KDM2B: variants seen among roughly 807,000 people sequenced by gnomAD.
The protein encoded by KDM2B is lysine-specific demethylase 2B.
A neutral mutation model predicts 150.0 loss-of-function variants in KDM2B; 26 were observed. The ratio of observed to expected loss-of-function variants is 0.17; its 90% CI spans 0.13 to 0.24. The LOEUF (loss-of-function observed/expected upper bound fraction) is 0.24. Among genes scored for constraint, KDM2B ranks in the 10% least tolerant of loss-of-function variants. The probability of loss-of-function intolerance (pLI) is 1.00; values close to 1 mark genes in which losing one functional copy is unlikely to be tolerated. For missense variants in KDM2B, 1,265 were observed against 1,816.9 expected (o/e 0.70, Z 5.52); for synonymous variants, 734 against 729.5 (o/e 1.01, Z -0.10).
intron 8 of KDM2B, among the ~76,000 whole-genome samples, 165 bp downstream of exon 8, chr12:121,532,641 G>T (rs1555308027): frequency 6.6e-6 from 1 of 152,218 alleles, no homozygotes; most frequent in Non-Finnish European, 1.5e-5. Flanking sequence ...GGGATGTGAG[G>T]GGAAAACTGC....
Position 121,533,036 on chromosome 12 carries a change from CG to C in KDM2B, c.778-78del. On this transcript the variant is annotated intron_variant, in intron 7 of 22. Transcript: ENST00000377071. The surrounding 1 kb of genome is among the most constrained non-coding windows in gnomAD (Gnocchi z 4.1). Reference sequence around the variant, plus strand: ...CAGAGAGAGGGCCCCACCTGCCTGGCGGAAGGGGAGGGGGCGAGACAAGCTG... The same window carrying C: ...CAGAGAGAGGGCCCCACCTGCCTGGCGAAGGGGAGGGGGCGAGACAAGCTG... 6.7e-7 allele frequency: 1 copy of C among 1,493,636 alleles called. No individual in the cohort carries two copies. Among genetic ancestry groups the C allele is most frequent in the South Asian group, 1.2e-5 (1 of 85,290 alleles). 92.5% of individuals were successfully genotyped at this position (1,493,636 alleles called of 1,614,324 possible). A position where few individuals can be genotyped will look rare whatever the true frequency, so the allele number is the denominator to read the frequency against.
Position 121,509,691 on chromosome 12 carries a change from T to C in KDM2B, c.1523A>G (p.His508Arg), listed in dbSNP as rs781981339. Residue 508 changes from histidine (H) to arginine (R), a missense_variant, in exon 11 of 23, where the codon CAT becomes CGT. This residue lies in a region of KDM2B where 20 missense variants were observed against 49.5 expected (regional missense o/e 0.40). Transcript: ENST00000377071. ...PATEVSAKWT[H>R]LTEFELKGLK... ...GCCCTTCAGTTCAAACTCAGTGAGA[T>C]GGGTCCATTTGGCAGAGACCTCCGT... is the stretch of plus-strand genomic sequence containing the variant. 6.2e-7 allele frequency: 1 copy of C among 1,614,034 alleles called. No homozygotes were observed. Among genetic ancestry groups the C allele is most frequent in the South Asian group, 1.1e-5 (1 of 91,068 alleles).
At chr12:121,416,275 T>C in the KDM2B span, 2 of 1,614,134 alleles carry the variant, frequency 1.2e-6, no homozygotes, top group Non-Finnish European at 1.7e-6. Context: ...CATTCAGATT[T>C]ACACCAAACC....
At chr12:121,427,331 A>T (rs1555284386), downstream of KDM2B, among the ~76,000 whole-genome samples, 1 of 152,188 alleles carries the variant, frequency 6.6e-6, no homozygotes, top group Non-Finnish European at 1.5e-5. Context: ...TGAGGTCAGG[A>T]GTTCGAGACC....
Position 121,467,207 on chromosome 12 carries a change from G to C in KDM2B, c.1735-13863C>G. The C allele has an allele frequency of 9.1e-7, 1 of 1,102,536 alleles. No individual in the cohort carries two copies. The highest frequency in any genetic ancestry group is 1.1e-6 in the Non-Finnish European group (1 of 889,492). 68.3% of individuals were successfully genotyped at this position (1,102,536 alleles called of 1,614,324 possible). On this transcript the variant is annotated intron_variant, in intron 12 of 22. Transcript: ENST00000377071. This position sits in a 1 kb window ranked among gnomAD's most constrained non-coding sequence, Gnocchi z 5.1. ...GTCGTCCTCGGCGCTCACGGACATG[G>C]CCATGGCTCATGGTGGGCCCAGGCT... is the stretch of plus-strand genomic sequence containing the variant.
intron 12 of KDM2B, among the ~76,000 whole-genome samples, chr12:121,490,276 T>C (rs984252590): frequency 2.2e-4 from 33 of 152,236 alleles, no homozygotes; most frequent in African/African-American, 8.0e-4. Flanking sequence ...CAACAGCTAC[T>C]GATGAGGACT....
At chr12:121,455,439 C>T (rs919791339) in intron 12 of KDM2B, among the ~76,000 whole-genome samples, 1 of 152,216 alleles carries the variant, frequency 6.6e-6, no homozygotes, top group African/African-American at 2.4e-5. Flanking sequence ...GCGCCAGGAA[C>T]GGTGGCTCAC....
the KDM2B span, among the ~76,000 whole-genome samples, chr12:121,421,378 A>C: frequency 1.4e-4 from 20 of 144,412 alleles, no homozygotes; most frequent in South Asian, 6.9e-4. Context: ...CTCTAAAAAA[A>C]AAAAAAAAAA....
At chr12:121,472,571 A>G (rs929524224) in intron 12 of KDM2B, among the ~76,000 whole-genome samples, 6 of 152,224 alleles carry the variant, frequency 3.9e-5, no homozygotes, top group Non-Finnish European at 8.8e-5. Flanking sequence ...TTCTTCTCCT[A>G]ATTATGTCTC....
Position 121,539,326 on chromosome 12 carries a change from CAAAAAAAAAAAA to C in KDM2B, c.684-4748_684-4737del, listed in dbSNP as rs60048517. Among the ~76,000 whole-genome samples the C allele has an allele frequency of 4.0e-3, 235 of 58,626 alleles. 4 individuals carry two copies. In the East Asian group the frequency reaches 0.055, roughly 14 times the overall value. The allele number at this position is 58,626 out of a possible 152,430, so 38.5% of individuals were successfully genotyped here. ...CCGGGTGACATAGGAGACCCTCTCC[CAAAAAAAAAAAA>C]AAAAAAAAAAAAAAAAAGAAAGAAA... On this transcript the variant is annotated intron_variant, in intron 6 of 22. Coordinates refer to ENST00000377071, the MANE Select transcript of KDM2B (RefSeq NM_032590.5).
intron 6 of KDM2B, among the ~76,000 whole-genome samples, chr12:121,536,470 C>T (rs28695935): frequency 0.017 from 2,558 of 152,316 alleles, 78 homozygotes; most frequent in African/African-American, 0.059. Flanking sequence ...CCACACCGTC[C>T]TCACCTGTAG....
In KDM2B at chr12:121,520,015, C is replaced by G. The variant is rs1555305599; in HGVS notation, c.1047+970G>C. ...TCAAACGACCCTCCCACCACAGCCT[C>G]TCAAGTAGCTGGGACTACAGGCGTA... On this transcript the variant is annotated intron_variant, in intron 9 of 22. Transcript: ENST00000377071. This position sits in a 1 kb window ranked among gnomAD's most constrained non-coding sequence, Gnocchi z 4.5. Among the ~76,000 whole-genome samples the G allele has an allele frequency of 6.6e-6, 1 of 152,132 alleles. No individual in the cohort carries two copies. Among genetic ancestry groups the G allele is most frequent in the East Asian group, 1.9e-4 (1 of 5,190 alleles).
rs1349157104 is a variant in KDM2B, at chr12:121,453,463, C to T, written c.1735-119G>A. 8.5e-6 allele frequency: 6 copies of T among 703,570 alleles called. No individual in the cohort carries two copies. Among genetic ancestry groups the T allele is most frequent in the Non-Finnish European group, 1.4e-5 (6 of 427,066 alleles). The allele number at this position is 703,570 out of a possible 1,614,324, so 43.6% of individuals were successfully genotyped here. ...AGAAAGACACGATGGGGGCTCTAAA[C>T]CCCATTCCTCAGAGTGTGATCTTTA... On this transcript the variant is annotated intron_variant, in intron 12 of 22. Transcript: ENST00000377071. The surrounding 1 kb of genome is among the most constrained non-coding windows in gnomAD (Gnocchi z 6.4).
intron 8 of KDM2B, among the ~76,000 whole-genome samples, chr12:121,525,738 G>A (rs1195658509): frequency 1.3e-5 from 2 of 152,204 alleles, no homozygotes; most frequent in East Asian, 1.9e-4. Flanking sequence ...GCCCAACCAC[G>A]TGACACCATT....
At position 121,537,813 on chromosome 12, in the gene KDM2B, C is replaced by T. The variant is rs1402772624; in HGVS notation, c.684-3223G>A. ...CCGGGAGACACAAAGAGCGGCTCCG[C>T]GACGCCGGCCCTGTAGCCCGCGGGC... is the stretch of plus-strand genomic sequence containing the variant. On this transcript the variant is annotated intron_variant, in intron 6 of 22. Transcript: ENST00000377071. The surrounding 1 kb of genome is among the most constrained non-coding windows in gnomAD (Gnocchi z 8.7). Among the ~76,000 whole-genome samples the T allele has an allele frequency of 6.6e-6, 1 of 151,744 alleles. No homozygotes were observed. Among genetic ancestry groups the T allele is most frequent in the Non-Finnish European group, 1.5e-5 (1 of 67,862 alleles).
At chr12:121,425,082 C>T (rs540877037), downstream of KDM2B, among the ~76,000 whole-genome samples, 94 of 152,110 alleles carry the variant, frequency 6.2e-4, no homozygotes, top group African/African-American at 2.1e-3. Flanking sequence ...GAGGCTGAGG[C>T]GGGTGGATCA....
chr12:121,447,470 C>T (rs1455104179), intron 13 of KDM2B, among the ~76,000 whole-genome samples: 3 of 151,936 alleles, frequency 2.0e-5, no homozygotes, highest in African/African-American at 7.3e-5. Flanking sequence ...GTCTCGGACT[C>T]CTGACCTCAT....
intron 12 of KDM2B, among the ~76,000 whole-genome samples, chr12:121,476,554 G>A (rs782351925): frequency 2.0e-5 from 3 of 151,964 alleles, no homozygotes; most frequent in African/African-American, 4.8e-5. Context: ...ATTCCTGAAA[G>A]GTAACACGGT....
Position 121,532,802 on chromosome 12 carries a change from C to A in KDM2B, c.931+4G>T. The A allele has an allele frequency of 6.2e-7, 1 of 1,614,052 alleles. No homozygotes were observed. The highest frequency in any genetic ancestry group is 8.5e-7 in the Non-Finnish European group (1 of 1,179,932). On this transcript the variant is annotated splice_donor_region_variant and intron_variant, in intron 8 of 22. Coordinates refer to ENST00000377071, the MANE Select transcript of KDM2B (RefSeq NM_032590.5). ...GAGCCCAGAGAGTGCCCCTGGAAAC[C>A]TACCGGAAGGGATGAAAAATGTGTA...
Sources: allele counts gnomAD v4.1 joint callset (sites outside exome capture counted in the v4.1 genomes callset), GRCh38; gene constraint gnomAD v4.1.1; regional missense constraint gnomAD v4.1.1; non-coding constraint Gnocchi (gnomAD v3.1); transcripts MANE v1.5; gene names NCBI Gene and HGNC (gene_info 2026-07-23, HGNC 2026-07-21).